GLS: variants seen among roughly 807,000 people sequenced by gnomAD.
GLS encodes glutaminase, also known as glutaminase kidney isoform, mitochondrial.
In GLS, 36 loss-of-function variants were observed where a neutral mutation model predicts 86.7. The ratio of observed to expected loss-of-function variants is 0.42; its 90% CI spans 0.32 to 0.55. The LOEUF is 0.55. Ranked by LOEUF, GLS falls within the 20% of genes least tolerant of loss-of-function variation. GLS has a pLI of 0.17. For synonymous variants in GLS, 317 were observed against 305.9 expected (o/e 1.04, Z -0.38); for missense variants, 528 against 833.4 (o/e 0.63, Z 4.51).
intron 14 of GLS, among the ~76,000 whole-genome samples, chr2:190,948,158 CACTT>C (rs1326105019): frequency 6.6e-6 from 1 of 152,174 alleles, no homozygotes; most frequent in Non-Finnish European, 1.5e-5. Flanking sequence ...GAATTACACT[CACTT>C]TGTGTTCAAG....
rs1688377129 is a variant in GLS, at chr2:190,886,307, T to C, written c.386+4837T>C. The stretch of plus-strand genomic sequence containing the variant: ...CCATGATCTGTAATTAACAAACTCA[T>C]GCTGTTAATTTATAGTTTTATTAAT... On this transcript the variant is annotated intron_variant, in intron 1 of 17. Coordinates refer to ENST00000320717, the MANE Select transcript of GLS (RefSeq NM_014905.5). Among the ~76,000 whole-genome samples the C allele has an allele frequency of 2.0e-5, 3 of 152,242 alleles. 1 individual carries two copies. The highest frequency in any genetic ancestry group is 2.0e-4 in the Admixed American group (3 of 15,290).
At chr2:190,923,764 C>A (rs1445140736) in intron 9 of GLS, among the ~76,000 whole-genome samples, 153 bp from the exon 10 acceptor site, 1 of 152,160 alleles carries the variant, frequency 6.6e-6, no homozygotes, top group South Asian at 2.1e-4. Context: ...CAAAGTCACA[C>A]AAATAGCCTA....
In GLS at chr2:190,904,786, A is replaced by C. The variant is rs924472669; in HGVS notation, c.816-218A>C. ...TTGTATATAAGGGACTTGAGTGTCC[A>C]TGGAGTTTGGTATCACAGGGATTCC... is the stretch of plus-strand genomic sequence containing the variant. On this transcript the variant is annotated intron_variant, in intron 5 of 17. Coordinates refer to ENST00000320717, the MANE Select transcript of GLS (RefSeq NM_014905.5). Among the ~76,000 whole-genome samples the C allele has an allele frequency of 2.0e-5, 3 of 152,164 alleles. No homozygotes were observed. The East Asian group carries it at 5.8e-4, about 29-fold the overall frequency.
intron 14 of GLS, among the ~76,000 whole-genome samples, chr2:190,932,473 GCTAAA>G (rs1227814816): frequency 6.6e-6 from 1 of 151,790 alleles, no homozygotes; most frequent in African/African-American, 2.4e-5. Context: ...TTTCTGTAGT[GCTAAA>G]CTAAATTTTT....
At position 190,953,096 on chromosome 2, in the gene GLS, C is replaced by G. The variant is rs1183174707; in HGVS notation, c.1651-469C>G. 6.6e-6 allele frequency among the ~76,000 whole-genome samples: 1 copy of G among 152,208 alleles called. No individual in the cohort carries two copies. Among genetic ancestry groups the G allele is most frequent in the Non-Finnish European group, 1.5e-5 (1 of 68,042 alleles). Reference sequence around the variant, plus strand: ...AAGATGACAGTTAACACTGAATGTTCTCTCTTAAGATTTGCAAAGAAGCCA... The same window carrying G: ...AAGATGACAGTTAACACTGAATGTTGTCTCTTAAGATTTGCAAAGAAGCCA... On this transcript the variant is annotated intron_variant, in intron 14 of 17. Transcript: ENST00000320717. The surrounding 1 kb of genome is among the most constrained non-coding windows in gnomAD (Gnocchi z 4.0).
In GLS at chr2:190,954,154, CTG is replaced by C. The variant is rs1690798122; in HGVS notation, c.1713-427_1713-426del. On this transcript the variant is annotated intron_variant, in intron 15 of 17. Transcript: ENST00000320717. The surrounding 1 kb of genome is among the most constrained non-coding windows in gnomAD (Gnocchi z 4.0). Reference sequence around the variant, plus strand: ...ACTGATTTTCAAAGTGGAAAAATGTCTGTGCTTCCCCCCCTTGTTTTGAAGTC... The same window carrying C: ...ACTGATTTTCAAAGTGGAAAAATGTCTGCTTCCCCCCCTTGTTTTGAAGTC... 6.6e-6 allele frequency among the ~76,000 whole-genome samples: 1 copy of C among 151,528 alleles called. No homozygotes were observed. Among genetic ancestry groups the C allele is most frequent in the African/African-American group, 2.4e-5 (1 of 41,214 alleles).
chr2:190,952,779 G>A (rs1690750203), intron 14 of GLS, among the ~76,000 whole-genome samples: 1 of 152,314 alleles, frequency 6.6e-6, no homozygotes, highest in South Asian at 2.1e-4. Context: ...ATATTCTATG[G>A]TCAATAGTTT....
At position 190,895,643 on chromosome 2, in the gene GLS, T is replaced by G; in HGVS notation, c.523T>G (p.Leu175Val). The G allele has an allele frequency of 1.2e-6, 2 of 1,604,878 alleles. No homozygotes were observed. The highest frequency in any genetic ancestry group is 1.7e-6 in the Non-Finnish European group (2 of 1,172,508). The stretch of plus-strand genomic sequence containing the variant: ...AGGATTGCGAACGTCTGATCCCAGG[T>G]TGAAAGAGTGTATGGATATGTTAAG... Reference protein sequence around the residue: ...STGLRTSDPRLKECMDMLRLT... With the variant: ...STGLRTSDPRVKECMDMLRLT... Residue 175 changes from leucine (L) to valine (V), a missense_variant, in exon 3 of 18, where the codon TTG becomes GTG. By Grantham distance (32) the Leu-to-Val change is conservative. Coordinates refer to ENST00000320717, the MANE Select transcript of GLS (RefSeq NM_014905.5). The surrounding 1 kb of genome is among the most constrained non-coding windows in gnomAD (Gnocchi z 4.2).
At chr2:190,928,100 A>G (rs1445718551) in intron 12 of GLS, among the ~76,000 whole-genome samples, 2 of 152,108 alleles carry the variant, frequency 1.3e-5, no homozygotes, top group Non-Finnish European at 2.9e-5. Flanking sequence ...TTATGAATAC[A>G]TTACTAATCT....
chr2:190,893,112 T>A (rs1012913823), intron 1 of GLS, among the ~76,000 whole-genome samples: 1 of 152,224 alleles, frequency 6.6e-6, no homozygotes, highest in Non-Finnish European at 1.5e-5. Flanking sequence ...ATTGGTATGT[T>A]ATTATCCACT....
rs1690027634 is a variant in GLS at position 190,929,454 on chromosome 2, C to G, written c.1426-983C>G. 3.3e-5 allele frequency among the ~76,000 whole-genome samples: 5 copies of G among 151,314 alleles called. No homozygotes were observed. The Admixed American group carries it at 3.3e-4, about 10-fold the overall frequency. On this transcript the variant is annotated intron_variant, in intron 12 of 17. Transcript: ENST00000320717. Reference sequence around the variant, plus strand: ...TTAAACAATTTTTCTATATTCATATCTATCCCAAACTGTTTCATAATTTTT... The same window carrying G: ...TTAAACAATTTTTCTATATTCATATGTATCCCAAACTGTTTCATAATTTTT...
intron 6 of GLS, among the ~76,000 whole-genome samples, chr2:190,909,462 A>G (rs185496444): frequency 3.9e-5 from 6 of 152,182 alleles, no homozygotes; most frequent in Admixed American, 2.0e-4. Context: ...ACATCTGGCA[A>G]TCCCTTCTCC....
chr2:190,930,980 G>GA lies in GLS; in HGVS notation c.1557+416dup, dbSNP rs1690090965. Among the ~76,000 whole-genome samples, 1 of 151,918 alleles carries GA rather than the reference G, an allele frequency of 6.6e-6. No homozygotes were observed. Among genetic ancestry groups the GA allele is most frequent in the Non-Finnish European group, 1.5e-5 (1 of 67,966 alleles). On this transcript the variant is annotated intron_variant, in intron 13 of 17. Coordinates refer to ENST00000320717, the MANE Select transcript of GLS (RefSeq NM_014905.5). This position sits in a 1 kb window ranked among gnomAD's most constrained non-coding sequence, Gnocchi z 5.0. ...ACATTTTTTTGAGGAAATAAGCACT[G>GA]AAAATTAAAAAAAGATTAAACCATT... is the stretch of plus-strand genomic sequence containing the variant.
chr2:190,942,066 A>AATTTTTTT (rs1160472609), intron 14 of GLS, among the ~76,000 whole-genome samples: 2 of 50,728 alleles, frequency 3.9e-5, no homozygotes, highest in Non-Finnish European at 1.1e-4. Context: ...AACTTTGAAG[A>AATTTTTTT]CTTTTTTTTT....
intron 1 of GLS, among the ~76,000 whole-genome samples, chr2:190,890,378 C>G (rs190464154): frequency 6.6e-6 from 1 of 151,922 alleles, no homozygotes; most frequent in Non-Finnish European, 1.5e-5. Flanking sequence ...ACACTGGGGA[C>G]AATTAACCCA....
At chr2:190,881,675 C>G (rs1158317983) in intron 1 of GLS, 1 of 505,008 alleles carries the variant, frequency 2.0e-6, no homozygotes, top group Non-Finnish European at 3.4e-6. Flanking sequence ...CCGCCAGGCA[C>G]CCACTTCCCT....
At chr2:190,917,578 A>G (rs1230308236) in intron 7 of GLS, among the ~76,000 whole-genome samples, 4 of 152,218 alleles carry the variant, frequency 2.6e-5, no homozygotes, top group Admixed American at 2.6e-4. Context: ...GCCCAGATCC[A>G]TTAGACAAAT....
intron 1 of GLS, among the ~76,000 whole-genome samples, chr2:190,883,802 C>T (rs1479148114): frequency 1.3e-5 from 2 of 152,220 alleles, no homozygotes; most frequent in African/African-American, 2.4e-5. Context: ...ACACCAATTT[C>T]ATCAGTTCAC....
At chr2:190,881,581 A>C in intron 1 of GLS, 111 bp downstream of exon 1, 1 of 1,037,034 alleles carries the variant, frequency 9.6e-7, no homozygotes, top group Non-Finnish European at 1.3e-6. Flanking sequence ...AGAAAAGAGA[A>C]AGAAAGAGGT....
Sources: allele counts gnomAD v4.1 joint callset (sites outside exome capture counted in the v4.1 genomes callset), GRCh38; gene constraint gnomAD v4.1.1; non-coding constraint Gnocchi (gnomAD v3.1); transcripts MANE v1.5; gene names NCBI Gene and HGNC (gene_info 2026-07-23, HGNC 2026-07-21).